Variants in CHCHD7 observed in about 807,000 individuals in gnomAD.
CHCHD7 encodes the protein coiled-coil-helix-coiled-coil-helix domain containing 7.
In CHCHD7, 7 loss-of-function variants were observed where a neutral mutation model predicts 10.5. The observed-to-expected ratio is 0.67, with a 90% confidence interval of 0.38 to 1.25. The LOEUF is 1.25. Ranked by LOEUF, CHCHD7 falls within the 50% of genes most tolerant of loss-of-function variation. The pLI, the probability that CHCHD7 is intolerant of heterozygous loss-of-function variation, is 0.02. For missense variants in CHCHD7, 100 were observed against 104.5 expected, an observed-to-expected ratio of 0.96 and a Z score of 0.19; for synonymous variants, 40 against 36.0, an observed-to-expected ratio of 1.11 and a Z score of -0.40.
At chr8:56,214,468 T>C in intron 1 of CHCHD7, 130 bp from the exon 2 acceptor site, 1 of 609,608 alleles carries the variant, frequency 1.6e-6, no homozygotes, top group Non-Finnish European at 2.9e-6. Flanking sequence ...GTACAGAGAA[T>C]ACATGAAGTT....
intron 2 of CHCHD7, 55 bp downstream of exon 2, chr8:56,214,722 C>A: frequency 7.0e-7 from 1 of 1,419,088 alleles, no homozygotes; most frequent in South Asian, 1.2e-5. Flanking sequence ...ACAGGCTGCT[C>A]TAGTTTTGTG....
In CHCHD7 at chr8:56,218,298, T is replaced by C. The variant is rs1218517239; in HGVS notation, c.*863T>C. On this transcript the variant is annotated 3_prime_UTR_variant, in exon 4 of 4. Coordinates refer to ENST00000355315, the MANE Select transcript of CHCHD7 (RefSeq NM_001011671.3). ...GAGACTAGAACTTCACTTTATGATA[T>C]AAACACAATACGATTATTCAATGTG... 1 of 229,484 alleles carries C rather than the reference T, an allele frequency of 4.4e-6. No homozygotes were observed. Among genetic ancestry groups the C allele is most frequent in the African/African-American group, 2.2e-5 (1 of 45,236 alleles). The allele number at this position is 229,484 out of a possible 1,614,324, so 14.2% of individuals were successfully genotyped here.
Position 56,217,364 on chromosome 8 carries a change from G to C in CHCHD7, c.187G>C (p.Val63Leu). The change falls in exon 4 of 4, where the codon GTG becomes CTG. Residue 63 changes from valine to leucine, a missense_variant. By Grantham distance (32) the Val-to-Leu change is conservative. Coordinates refer to ENST00000355315, the MANE Select transcript of CHCHD7 (RefSeq NM_001011671.3). Reference sequence around the variant, plus strand: ...CGTGATGCAGAGAAGAAAGAACGGAGTGAAGCCATTTATGCCTACGGCAGC... The same window carrying C: ...CGTGATGCAGAGAAGAAAGAACGGACTGAAGCCATTTATGCCTACGGCAGC... ...SIVMQRRKNGVKPFMPTAAER... is the reference protein window; with the variant it reads ...SIVMQRRKNGLKPFMPTAAER... 1 of 1,612,716 alleles carries C rather than the reference G, an allele frequency of 6.2e-7. No homozygotes were observed. The highest frequency in any genetic ancestry group is 1.1e-5 in the South Asian group (1 of 91,036).
chr8:56,214,724 A>G, intron 2 of CHCHD7, 57 bp downstream of exon 2: 2 of 1,354,284 alleles, frequency 1.5e-6, no homozygotes, highest in Non-Finnish European at 2.1e-6. Context: ...AGGCTGCTCT[A>G]GTTTTGTGGG....
At chr8:56,213,922 G>C (rs1813183858) in intron 1 of CHCHD7, 2 of 152,222 alleles carry the variant, frequency 1.3e-5, no homozygotes, top group Admixed American at 1.3e-4. Context: ...AAGTTGGACT[G>C]TACCGAATTT....
At chr8:56,214,389 C>A (rs1364130761) in intron 1 of CHCHD7, 2 of 406,278 alleles carry the variant, frequency 4.9e-6, no homozygotes, top group East Asian at 3.7e-5. Flanking sequence ...CATTTCAATC[C>A]AATATATGGC....
intron 1 of CHCHD7, 148 bp downstream of exon 1, chr8:56,211,985 T>C (rs1812988159): frequency 6.5e-6 from 1 of 152,784 alleles, no homozygotes. Context: ...CTCTTCCCGT[T>C]GCTCTTCCTC....
rs979522433 is a variant in CHCHD7 at position 56,217,977 on chromosome 8, C to G, written c.*542C>G. The G allele has an allele frequency of 2.6e-5, 6 of 230,342 alleles. No homozygotes were observed. The highest frequency in any genetic ancestry group is 5.2e-5 in the Non-Finnish European group (6 of 116,440). 14.3% of individuals were successfully genotyped at this position (230,342 alleles called of 1,614,324 possible). On this transcript the variant is annotated 3_prime_UTR_variant, in exon 4 of 4. Coordinates refer to ENST00000355315, the MANE Select transcript of CHCHD7 (RefSeq NM_001011671.3). Reference sequence around the variant, plus strand: ...ATTCCTCAAATCACTTCTTACTTCCCTCACTTATCTTTGTTTAAATAAGGT... The same window carrying G: ...ATTCCTCAAATCACTTCTTACTTCCGTCACTTATCTTTGTTTAAATAAGGT...
chr8:56,215,772 A>G (rs1259643099), intron 2 of CHCHD7, among the ~76,000 whole-genome samples: 1 of 152,198 alleles, frequency 6.6e-6, no homozygotes, highest in Non-Finnish European at 1.5e-5. Context: ...TTGTTATTCA[A>G]TCTACTTCCA....
intron 1 of CHCHD7, chr8:56,214,066 T>C (rs898422322): frequency 1.3e-5 from 2 of 152,258 alleles, no homozygotes; most frequent in Admixed American, 1.3e-4. Flanking sequence ...TGAATTATAA[T>C]TGAACTATCT....
At chr8:56,212,464 C>A (rs1813057569) in intron 1 of CHCHD7, 1 of 168,858 alleles carries the variant, frequency 5.9e-6, no homozygotes, top group Non-Finnish European at 1.3e-5. Context: ...CCTTTCAAAG[C>A]TACTTAGAGA....
chr8:56,217,206 TAAA>T (rs200960568), intron 3 of CHCHD7, 122 bp from the exon 4 acceptor site: 5 of 543,116 alleles, frequency 9.2e-6, no homozygotes, highest in Non-Finnish European at 1.6e-5. Context: ...ATTTTTTTTT[TAAA>T]AAAAACTTGG....
At chr8:56,213,787 T>A (rs1563406315) in intron 1 of CHCHD7, 1 of 152,264 alleles carries the variant, frequency 6.6e-6, no homozygotes, top group Non-Finnish European at 1.5e-5. Flanking sequence ...CTCTTTTGTT[T>A]TTGAAACAGT....
chr8:56,218,799 AGTT>A lies in CHCHD7; in HGVS notation c.*1367_*1369del, dbSNP rs762442296. ...CAATATCAACATTCATCTTGTAACT[AGTT>A]GTCCTGATGCCACTCTTGTTGAGTC... On this transcript the variant is annotated 3_prime_UTR_variant, in exon 4 of 4. Transcript: ENST00000355315. 2.7e-5 allele frequency: 5 copies of A among 184,162 alleles called. No homozygotes were observed. The highest frequency in any genetic ancestry group is 5.8e-5 in the Non-Finnish European group (5 of 86,728). The allele number at this position is 184,162 out of a possible 1,614,324, so 11.4% of individuals were successfully genotyped here. A position where few individuals can be genotyped will look rare whatever the true frequency, so the allele number is the denominator to read the frequency against.
chr8:56,216,248 C>T lies in CHCHD7; in HGVS notation c.55-185C>T, dbSNP rs1374469296. 4 of 848,272 alleles carry T rather than the reference C, an allele frequency of 4.7e-6. No homozygotes were observed. In the Admixed American group the frequency reaches 8.9e-5, roughly 19 times the overall value. The allele number at this position is 848,272 out of a possible 1,614,324, so 52.5% of individuals were successfully genotyped here. A position where few individuals can be genotyped will look rare whatever the true frequency, so the allele number is the denominator to read the frequency against. ...ACATTATAAAAAGGAAGATGTTAGCCTGAGCAGAGTGCATACTGGGATAGC... is the reference window on the plus strand; with the variant it reads ...ACATTATAAAAAGGAAGATGTTAGCTTGAGCAGAGTGCATACTGGGATAGC... On this transcript the variant is annotated intron_variant, in intron 2 of 3. Coordinates refer to ENST00000355315, the MANE Select transcript of CHCHD7 (RefSeq NM_001011671.3).
At chr8:56,214,490 G>A in intron 1 of CHCHD7, 108 bp from the exon 2 acceptor site, 1 of 714,632 alleles carries the variant, frequency 1.4e-6, no homozygotes, top group South Asian at 1.9e-5. Context: ...CTCACTAAGT[G>A]ATCATTATGC....
intron 2 of CHCHD7, 69 bp from the exon 3 acceptor site, chr8:56,216,364 T>C: frequency 6.3e-7 from 1 of 1,584,368 alleles, no homozygotes. Context: ...AAGCAGCTTT[T>C]GTTTGTTTGT....
chr8:56,216,349 T>G, intron 2 of CHCHD7, 84 bp from the exon 3 acceptor site: 1 of 1,575,776 alleles, frequency 6.3e-7, no homozygotes, highest in Non-Finnish European at 8.6e-7. Flanking sequence ...TATTTGCTTC[T>G]GGGGAAGCAG....
At position 56,216,518 on chromosome 8, in the gene CHCHD7, G is replaced by T. The variant is rs779755401; in HGVS notation, c.140G>T (p.Cys47Phe). Reference sequence around the variant, plus strand: ...ACTTACTTCTTGAGGTACAAAAACTGCCGGAGATTCTGGGTAAGCCTAGAT... The same window carrying T: ...ACTTACTTCTTGAGGTACAAAAACTTCCGGAGATTCTGGGTAAGCCTAGAT... Reference protein sequence around the residue: ...CSTYFLRYKNCRRFWNSIVMQ... With the variant: ...CSTYFLRYKNFRRFWNSIVMQ... The change falls in exon 3 of 4, where the codon TGC becomes TTC. Residue 47 changes from cysteine to phenylalanine, a missense_variant. By Grantham distance (205) the Cys-to-Phe change is radical. Coordinates refer to ENST00000355315, the MANE Select transcript of CHCHD7 (RefSeq NM_001011671.3). 10 of 1,614,172 alleles carry T rather than the reference G, an allele frequency of 6.2e-6. No individual in the cohort carries two copies. Among genetic ancestry groups the T allele is most frequent in the South Asian group, 2.2e-5 (2 of 91,084 alleles).
Sources: gnomAD v4.1 joint callset for allele counts (sites outside exome capture counted in the v4.1 genomes callset) on GRCh38, gnomAD v4.1.1 for gene constraint, MANE v1.5 for transcripts, NCBI Gene and HGNC (gene_info 2026-07-23, HGNC 2026-07-21) for gene names.